Variants in COQ6 observed in about 807,000 individuals in gnomAD.
COQ6 encodes the protein ubiquinone biosynthesis monooxygenase COQ6, mitochondrial.
Under a neutral mutation model 55.5 loss-of-function variants are expected in COQ6, and 45 were observed. The ratio of observed to expected loss-of-function variants is 0.81; its 90% CI spans 0.64 to 1.04. COQ6 has a LOEUF of 1.04. Ranked by LOEUF, COQ6 falls within the 50% of genes least tolerant of loss-of-function variation. The pLI is 0.00. For synonymous variants in COQ6, 206 were observed against 230.5 expected, an observed-to-expected ratio of 0.89 and a Z score of 0.96; for missense variants, 550 against 601.3, an observed-to-expected ratio of 0.91 and a Z score of 0.89.
At chr14:73,954,958 T>TA (rs1260122932) in intron 2 of COQ6, among the ~76,000 whole-genome samples, 3 of 143,684 alleles carry the variant, frequency 2.1e-5, no homozygotes, top group South Asian at 2.2e-4. Flanking sequence ...TATTTTATTT[T>TA]TTTTTTTTTT....
At chr14:73,952,544 A>AT (rs2056244402) in intron 1 of COQ6, among the ~76,000 whole-genome samples, 5 of 150,666 alleles carry the variant, frequency 3.3e-5, no homozygotes, top group South Asian at 2.1e-4. Flanking sequence ...GTTAAAAAAA[A>AT]TTTTTTTTTG....
chr14:73,960,449 G>C (rs1441745342), intron 8 of COQ6: 1 of 989,420 alleles, frequency 1.0e-6, no homozygotes, highest in Non-Finnish European at 1.2e-6. Context: ...TCACACCAAA[G>C]ACTCCACTGC....
At position 73,963,003 on chromosome 14, in the gene COQ6, C is replaced by T. The variant is rs1439161512; in HGVS notation, c.*4C>T. On this transcript the variant is annotated 3_prime_UTR_variant, in exon 12 of 12. Transcript: ENST00000334571. ...TATGGCCTTTGCAAGCAAATGAGTACTCCTCTCCTAAAGAAAGATTACGTT... is the reference window on the plus strand; with the variant it reads ...TATGGCCTTTGCAAGCAAATGAGTATTCCTCTCCTAAAGAAAGATTACGTT... 3 of 1,604,860 alleles carry T rather than the reference C, an allele frequency of 1.9e-6. No individual in the cohort carries two copies. The highest frequency in any genetic ancestry group is 1.3e-5 in the African/African-American group (1 of 74,678).
chr14:73,960,013 T>G (rs2056638251), intron 8 of COQ6: 1 of 1,028,052 alleles, frequency 9.7e-7, no homozygotes, highest in East Asian at 9.0e-5. Flanking sequence ...AATAACCTTT[T>G]GAGGGTTGTG....
intron 10 of COQ6, 21 bp downstream of exon 10, chr14:73,961,591 G>A (rs1220118843): frequency 6.2e-7 from 1 of 1,612,506 alleles, no homozygotes; most frequent in South Asian, 1.1e-5. Flanking sequence ...AGATACTATG[G>A]GGAAGTATCC....
intron 2 of COQ6, among the ~76,000 whole-genome samples, chr14:73,954,566 G>C (rs534946061): frequency 6.6e-6 from 1 of 152,116 alleles, no homozygotes; most frequent in Non-Finnish European, 1.5e-5. Flanking sequence ...ATTTGGGGCC[G>C]GGTGCGGTGG....
chr14:73,963,103 T>C lies in COQ6; in HGVS notation c.*104T>C. The stretch of plus-strand genomic sequence containing the variant: ...CTTATTTAATTTAATAAACTTACTT[T>C]ACATTAAAATTCTCTTTTTCTTCTT... On this transcript the variant is annotated 3_prime_UTR_variant, in exon 12 of 12. Transcript: ENST00000334571. 2.0e-6 allele frequency: 2 copies of C among 982,384 alleles called. No individual in the cohort carries two copies. Among genetic ancestry groups the C allele is most frequent in the East Asian group, 5.0e-5 (2 of 39,614 alleles). 60.9% of individuals were successfully genotyped at this position (982,384 alleles called of 1,614,324 possible). A position where few individuals can be genotyped will look rare whatever the true frequency, so the allele number is the denominator to read the frequency against.
At chr14:73,957,189 C>T (rs1372139436) in intron 4 of COQ6, among the ~76,000 whole-genome samples, 1 of 151,912 alleles carries the variant, frequency 6.6e-6, no homozygotes, top group African/African-American at 2.4e-5. Context: ...GCTCGGCCTC[C>T]CAGGTTCACA....
upstream of COQ6, chr14:73,950,255 G>T: frequency 6.5e-7 from 1 of 1,538,628 alleles, no homozygotes; most frequent in Non-Finnish European, 8.7e-7. Context: ...AGCGGGACGG[G>T]ATTGGAGTGC....
intron 1 of COQ6, among the ~76,000 whole-genome samples, chr14:73,951,109 G>A (rs2056174219): frequency 2.0e-5 from 3 of 152,142 alleles, no homozygotes; most frequent in Admixed American, 2.0e-4. Flanking sequence ...TGATCCTCCT[G>A]CCTCTGCCTC....
intron 2 of COQ6, among the ~76,000 whole-genome samples, chr14:73,954,763 G>A (rs1487867081): frequency 1.4e-5 from 2 of 144,874 alleles, no homozygotes; most frequent in African/African-American, 2.5e-5. Context: ...AGAATAGGGT[G>A]AACCCGGGAG....
chr14:73,956,018 G>C, intron 4 of COQ6, 90 bp downstream of exon 4: 1 of 1,576,188 alleles, frequency 6.3e-7, no homozygotes, highest in Non-Finnish European at 8.7e-7. Flanking sequence ...AATATTCAGT[G>C]TCCACCATAA....
At chr14:73,950,029 C>G, upstream of COQ6, 1 of 1,612,460 alleles carries the variant, frequency 6.2e-7, no homozygotes. Context: ...ACGGTCATTT[C>G]AGCTGGACAG....
intron 1 of COQ6, chr14:73,950,737 C>T (rs2056158836): frequency 1.8e-6 from 1 of 569,548 alleles, no homozygotes; most frequent in Non-Finnish European, 3.1e-6. Context: ...CAGGCCTTCC[C>T]GGGGTTATTT....
At chr14:73,958,699 T>A (rs2056561222) in intron 5 of COQ6, 2 of 1,361,582 alleles carry the variant, frequency 1.5e-6, no homozygotes, top group African/African-American at 2.9e-5. Context: ...AAACTTTCCT[T>A]ATTGCTCTCT....
chr14:73,950,320 G>A lies in COQ6; in HGVS notation c.-13G>A, dbSNP rs1175350271. 1.3e-6 allele frequency: 2 copies of A among 1,547,314 alleles called. No homozygotes were observed. Among genetic ancestry groups the A allele is most frequent in the African/African-American group, 2.7e-5 (2 of 73,376 alleles). Reference sequence around the variant, plus strand: ...CTGCGGGAGTTCTGAGTGCGACGGCGCAGGTCTGCACCATGGCGGCCCGGC... The same window carrying A: ...CTGCGGGAGTTCTGAGTGCGACGGCACAGGTCTGCACCATGGCGGCCCGGC... On this transcript the variant is annotated 5_prime_UTR_variant, in exon 1 of 12. Coordinates refer to ENST00000334571, the MANE Select transcript of COQ6 (RefSeq NM_182476.3).
chr14:73,954,525 A>G (rs1461197030), intron 2 of COQ6, among the ~76,000 whole-genome samples: 1 of 152,194 alleles, frequency 6.6e-6, no homozygotes. Context: ...TTATAACTTC[A>G]GCAGGATGAT....
Position 73,950,304 on chromosome 14 carries a change from T to C in COQ6, c.-29T>C, listed in dbSNP as rs889402306. 10 of 1,543,544 alleles carry C rather than the reference T, an allele frequency of 6.5e-6. No homozygotes were observed. In the Admixed American group the frequency reaches 2.0e-4, roughly 30 times the overall value. Reference sequence around the variant, plus strand: ...CACTACGTAGGTGGGCCTGCGGGAGTTCTGAGTGCGACGGCGCAGGTCTGC... The same window carrying C: ...CACTACGTAGGTGGGCCTGCGGGAGCTCTGAGTGCGACGGCGCAGGTCTGC... On this transcript the variant is annotated 5_prime_UTR_variant, in exon 1 of 12. Coordinates refer to ENST00000334571, the MANE Select transcript of COQ6 (RefSeq NM_182476.3).
rs768103757 is a variant in COQ6, at chr14:73,955,573, C to G, written c.357+64C>G. 2.7e-6 allele frequency: 4 copies of G among 1,506,736 alleles called. No homozygotes were observed. In the African/African-American group the frequency reaches 5.5e-5, roughly 21 times the overall value. 93.3% of individuals were successfully genotyped at this position (1,506,736 alleles called of 1,614,324 possible). The stretch of plus-strand genomic sequence containing the variant: ...GTCTGTCTTAAGATATCGGAGTCCA[C>G]TTTCTCCAAGTGTTCTGTGAATGTA... On this transcript the variant is annotated intron_variant, in intron 3 of 11. Coordinates refer to ENST00000334571, the MANE Select transcript of COQ6 (RefSeq NM_182476.3).
Sources: allele counts gnomAD v4.1 joint callset (sites outside exome capture counted in the v4.1 genomes callset), GRCh38; gene constraint gnomAD v4.1.1; transcripts MANE v1.5; gene names NCBI Gene and HGNC (gene_info 2026-07-23, HGNC 2026-07-21).